GSE1: variants seen among roughly 807,000 people sequenced by gnomAD.
The protein encoded by GSE1 is Gse1 coiled-coil protein, also known as genetic suppressor element 1.
GSE1 carries 32 observed loss-of-function variants against 112.6 expected under a neutral mutation model. The observed-to-expected ratio is 0.28, with a 90% CI of 0.21 to 0.38. The LOEUF (loss-of-function observed/expected upper bound fraction) is 0.38. Among genes scored for constraint, GSE1 ranks in the 10% least tolerant of loss-of-function variants. The pLI is 1.00. For missense variants in GSE1, 2,348 were observed against 1,699.2 expected (o/e 1.38, Z -6.71); for synonymous variants, 1,115 against 735.6 (o/e 1.52, Z -8.35).
chr16:85,521,297 TA>T (rs1465840102), intron 2 of GSE1, among the ~76,000 whole-genome samples: 1 of 152,200 alleles, frequency 6.6e-6, no homozygotes, highest in Non-Finnish European at 1.5e-5. Flanking sequence ...TGCCTGTACT[TA>T]AACCTCACCT....
At chr16:85,250,920 G>A (rs532341897) in intron 1 of GSE1, among the ~76,000 whole-genome samples, 1 of 151,144 alleles carries the variant, frequency 6.6e-6, no homozygotes, top group Admixed American at 6.7e-5. Flanking sequence ...ATCACAGCAT[G>A]TGGACTTCTG....
rs1437657741 is a variant in GSE1, at chr16:85,462,627, C to CTT, written c.2464+104984_2464+104985insTT. ...AGGACAACTCAGCAGTCTTGACAAG[C>CTT]GCGTTATCAAGTGCAGGGGAGCGGA... is the stretch of plus-strand genomic sequence containing the variant. On this transcript the variant is annotated intron_variant, in intron 2 of 2. Coordinates refer to the GSE1 transcript ENST00000637419. 4.8e-5 allele frequency among the ~76,000 whole-genome samples: 7 copies of CTT among 145,302 alleles called. No homozygotes were observed. In the East Asian group the frequency reaches 1.4e-3, roughly 30 times the overall value.
intron 2 of GSE1, among the ~76,000 whole-genome samples, chr16:85,519,811 A>G (rs924777886): frequency 3.9e-5 from 6 of 152,210 alleles, no homozygotes; most frequent in Admixed American, 3.3e-4. Context: ...GGTCACTGTC[A>G]TCGTCATTCA....
At chr16:85,338,433 G>A (rs190583243) in intron 1 of GSE1, among the ~76,000 whole-genome samples, 479 of 152,292 alleles carry the variant, frequency 3.1e-3, no homozygotes, top group Middle Eastern at 0.014. Context: ...GTGACGTGAG[G>A]CAGCTGACTT....
At chr16:85,295,384 C>T (rs996639973) in intron 1 of GSE1, among the ~76,000 whole-genome samples, 4 of 152,252 alleles carry the variant, frequency 2.6e-5, no homozygotes, top group African/African-American at 9.6e-5. Context: ...CGTGCTGCAG[C>T]GCGGGTCAGC....
At chr16:85,421,197 G>A (rs1201504568) in intron 2 of GSE1, among the ~76,000 whole-genome samples, 1 of 152,172 alleles carries the variant, frequency 6.6e-6, no homozygotes, top group Non-Finnish European at 1.5e-5. Flanking sequence ...AGTGCAAGCA[G>A]GCACCCTCCT....
chr16:85,179,216 C>T (rs1165247423), intron 1 of GSE1, among the ~76,000 whole-genome samples: 2 of 152,152 alleles, frequency 1.3e-5, no homozygotes, highest in African/African-American at 4.8e-5. Flanking sequence ...CTTTATGGAT[C>T]TGCCCGTTCT....
intron 1 of GSE1, among the ~76,000 whole-genome samples, chr16:85,272,497 A>G (rs1315913579): frequency 6.6e-6 from 1 of 152,164 alleles, no homozygotes; most frequent in Non-Finnish European, 1.5e-5. Flanking sequence ...CTTCGGCCAT[A>G]GGTGGCATTC....
At chr16:85,483,206 T>C (rs1382058585) in intron 2 of GSE1, among the ~76,000 whole-genome samples, 4 of 152,250 alleles carry the variant, frequency 2.6e-5, no homozygotes, top group African/African-American at 7.2e-5. Flanking sequence ...TATTAATACA[T>C]GCAAACATTC....
chr16:85,668,369 G>T lies in GSE1; in HGVS notation c.3360G>T (p.Lys1120Asn). The T allele has an allele frequency of 6.2e-7, 1 of 1,613,406 alleles. No homozygotes were observed. Among genetic ancestry groups the T allele is most frequent in the Non-Finnish European group, 8.5e-7 (1 of 1,179,886 alleles). The part of the protein sequence containing the change: ...EDGEDEEEVP[K>N]RKWQGIEAVF... ...GAGAAGATGAGGAGGAAGTCCCCAA[G>T]CGCAAGTGGCAAGGGATCGAGGCCG... Residue 1120 changes from lysine to asparagine, a missense_variant, in exon 14 of 16, where the codon AAG becomes AAT. Coordinates refer to ENST00000253458, the MANE Select transcript of GSE1 (RefSeq NM_014615.5).
At chr16:85,462,746 G>A (rs1456228594) in intron 2 of GSE1, among the ~76,000 whole-genome samples, 3 of 131,150 alleles carry the variant, frequency 2.3e-5, no homozygotes, top group African/African-American at 5.4e-5. Context: ...CCGGGCGGGG[G>A]ACGAGGTGGT....
intron 14 of GSE1, among the ~76,000 whole-genome samples, chr16:85,668,773 C>T (rs1350499939): frequency 1.3e-5 from 2 of 152,218 alleles, no homozygotes; most frequent in Non-Finnish European, 2.9e-5. Flanking sequence ...TTTGCTGAGC[C>T]CTGGCAGCTA....
intron 1 of GSE1, among the ~76,000 whole-genome samples, chr16:85,322,464 C>T (rs2046128549): frequency 6.6e-6 from 1 of 152,086 alleles, no homozygotes; most frequent in Non-Finnish European, 1.5e-5. Flanking sequence ...GGTTTGCAAG[C>T]AGTGACCAAG....
At chr16:85,555,439 TC>T, upstream of GSE1, 1 of 982,750 alleles carries the variant, frequency 1.0e-6, no homozygotes, top group Non-Finnish European at 1.2e-6. Flanking sequence ...GGGAGCCGGC[TC>T]CCCAGCCTGC....
At chr16:85,552,945 T>G (rs548433853), upstream of GSE1, among the ~76,000 whole-genome samples, 3 of 152,390 alleles carry the variant, frequency 2.0e-5, no homozygotes, top group East Asian at 5.8e-4. Context: ...GGAGGAAGGT[T>G]TAGTATTAAT....
chr16:85,421,330 T>A, intron 2 of GSE1, among the ~76,000 whole-genome samples: 1 of 152,054 alleles, frequency 6.6e-6, no homozygotes, highest in Non-Finnish European at 1.5e-5. Context: ...GCGGGGGTCC[T>A]GCTTTCCACA....
chr16:85,370,723 A>G (rs2047280451), intron 2 of GSE1, among the ~76,000 whole-genome samples: 1 of 152,130 alleles, frequency 6.6e-6, no homozygotes, highest in Admixed American at 6.5e-5. Context: ...TGGACACTGC[A>G]GAAGGCCTGG....
chr16:85,450,086 C>T (rs1331735086), intron 2 of GSE1, among the ~76,000 whole-genome samples: 1 of 129,520 alleles, frequency 7.7e-6, no homozygotes, highest in South Asian at 2.6e-4. Flanking sequence ...ATGGTGGGTA[C>T]TTTGTGGCCA....
intron 1 of GSE1, among the ~76,000 whole-genome samples, chr16:85,240,992 G>A (rs1905121882): frequency 1.3e-5 from 2 of 152,168 alleles, no homozygotes; most frequent in South Asian, 4.1e-4. Context: ...AGGCCTTGGT[G>A]TCTCTCAGTC....
Sources: allele counts gnomAD v4.1 joint callset (sites outside exome capture counted in the v4.1 genomes callset), GRCh38; gene constraint gnomAD v4.1.1; transcripts MANE v1.5; gene names NCBI Gene and HGNC (gene_info 2026-07-23, HGNC 2026-07-21).